Variants in MYH13 observed in about 807,000 individuals in gnomAD.
MYH13 encodes myosin heavy chain 13, also known as myosin-13.
A neutral mutation model predicts 232.1 loss-of-function variants in MYH13; 177 were observed. That is an observed-to-expected ratio of 0.76 (90% CI 0.67 to 0.86). The LOEUF (loss-of-function observed/expected upper bound fraction) is 0.86. Among genes scored for constraint, MYH13 ranks in the 40% least tolerant of loss-of-function variants. The pLI is 0.00. For missense variants in MYH13, 2,246 were observed against 2,405.9 expected (o/e 0.93, Z 1.39); for synonymous variants, 884 against 923.5 (o/e 0.96, Z 0.78).
In MYH13 at chr17:10,312,036, G is replaced by C. The variant is rs1906524760; in HGVS notation, c.4406C>G (p.Ala1469Gly). Residue 1469 changes from alanine to glycine, a missense_variant, in exon 32 of 41, where the codon GCT becomes GGT. Transcript: ENST00000252172. ...CTCCTTCTGAGCAGCTTCCAACTCA[G>C]CCTGGCTTTCGTCCAGCTTTTGCTT... ...EWKQKLDESQ[A>G]ELEAAQKESR... 1 of 1,613,844 alleles carries C rather than the reference G, an allele frequency of 6.2e-7. No homozygotes were observed. The highest frequency in any genetic ancestry group is 1.3e-5 in the African/African-American group (1 of 74,916).
rs34042358 is a variant in MYH13 at position 10,364,519 on chromosome 17, G to T, written c.12C>A (p.Asp4Glu). 5.7e-5 allele frequency: 91 copies of T among 1,594,910 alleles called. No individual in the cohort carries two copies. Among genetic ancestry groups the T allele is most frequent in the Non-Finnish European group, 7.3e-5 (85 of 1,169,644 alleles). MSS[D>E]AEMAIFGEAA... is the part of the protein sequence containing the mutation. ...CTTCTCCAAAAATGGCCATTTCTGC[G>T]TCAGAGCTCATGACTGCAGAGGGCT... Residue 4 changes from aspartate to glutamate, a missense_variant, in exon 3 of 41, where the codon GAC becomes GAA. Physicochemically the swap from Asp to Glu is conservative, Grantham distance 45. Coordinates refer to ENST00000252172, the MANE Select transcript of MYH13 (RefSeq NM_003802.3).
At chr17:10,349,075 CTTCT>C (rs1567669481) in intron 12 of MYH13, among the ~76,000 whole-genome samples, 2 of 140,540 alleles carry the variant, frequency 1.4e-5, no homozygotes, top group African/African-American at 5.6e-5. Context: ...CTTCCCTTCC[CTTCT>C]CCCCCTCTCT....
Position 10,327,981 on chromosome 17 carries a change from TCTTC to T in MYH13, c.2572_2575del (p.Glu858ThrfsTer44). 2.5e-6 allele frequency: 4 copies of T among 1,614,078 alleles called. No homozygotes were observed. Among genetic ancestry groups the T allele is most frequent in the Non-Finnish European group, 3.4e-6 (4 of 1,179,998 alleles). ...CAGTTCTTCCTTGGTCCTCTCAAAGTCTTCCTTCATGGTGGCCATCTCCTTCTCG... is the reference window on the plus strand; with the variant it reads ...CAGTTCTTCCTTGGTCCTCTCAAAGTCTTCATGGTGGCCATCTCCTTCTCG... On this transcript the variant is annotated frameshift_variant, in exon 22 of 41. Transcript: ENST00000252172. LOFTEE classifies it high-confidence loss of function.
At chr17:10,318,329 C>T (rs1906791050) in intron 27 of MYH13, among the ~76,000 whole-genome samples, 1 of 152,066 alleles carries the variant, frequency 6.6e-6, no homozygotes, top group Non-Finnish European at 1.5e-5. Flanking sequence ...ATTTCCAGTC[C>T]AGTGGTGTTG....
intron 13 of MYH13, among the ~76,000 whole-genome samples, chr17:10,345,866 G>A (rs541772327): frequency 6.6e-5 from 10 of 151,730 alleles, no homozygotes; most frequent in South Asian, 6.3e-4. Flanking sequence ...GGTGGCAGGC[G>A]CCTGTAGTCC....
chr17:10,333,053 C>T, intron 19 of MYH13, 21 bp downstream of exon 19: 2 of 1,506,118 alleles, frequency 1.3e-6, no homozygotes, highest in Non-Finnish European at 1.8e-6. Context: ...GAGAGAGATG[C>T]ACAGGAGAGA....
intron 29 of MYH13, among the ~76,000 whole-genome samples, chr17:10,314,011 T>C (rs1340470196): frequency 6.6e-6 from 1 of 152,170 alleles, no homozygotes; most frequent in Non-Finnish European, 1.5e-5. Flanking sequence ...ATTGGAGGGA[T>C]GTAAGGGCAA....
Position 10,362,420 on chromosome 17 carries a change from G to A in MYH13, c.288C>T (p.His96=), listed in dbSNP as rs1356256540. The A allele has an allele frequency of 6.2e-7, 1 of 1,614,212 alleles. No individual in the cohort carries two copies. The highest frequency in any genetic ancestry group is 8.5e-7 in the Non-Finnish European group (1 of 1,180,046). Residue 96 remains histidine, a synonymous_variant, in exon 4 of 41, where the codon CAC becomes CAT. Coordinates refer to ENST00000252172, the MANE Select transcript of MYH13 (RefSeq NM_003802.3). ...TGTACAGAACAGCAGGTTCATGCAG[G>A]TGAGTCATCATGGCCATGTCCTCGA... ...DKIEDMAMMT[H]LHEPAVLYNL...
Position 10,355,155 on chromosome 17 carries a change from A to G in MYH13, c.739-8T>C. 6.4e-7 allele frequency: 1 copy of G among 1,567,250 alleles called. No homozygotes were observed. Among genetic ancestry groups the G allele is most frequent in the Non-Finnish European group, 8.7e-7 (1 of 1,154,482 alleles). On this transcript the variant is annotated splice_region_variant and splice_polypyrimidine_tract_variant and intron_variant, in intron 8 of 40. Coordinates refer to ENST00000252172, the MANE Select transcript of MYH13 (RefSeq NM_003802.3). ...AATCCGAATGAACTTCCCCTGTCCA[A>G]TAACAGGTGGACAAATGTTACGGTT... is the stretch of plus-strand genomic sequence containing the variant.
At position 10,355,134 on chromosome 17, in the gene MYH13, C is replaced by T. The variant is rs533758694; in HGVS notation, c.752G>A (p.Arg251Gln). The T allele has an allele frequency of 3.1e-5, 49 of 1,579,862 alleles. No homozygotes were observed. The East Asian group carries it at 5.5e-4, about 18-fold the overall frequency. The change falls in exon 9 of 41, where the codon CGG becomes CAG. Residue 251 changes from arginine (R) to glutamine (Q), a missense_variant. Transcript: ENST00000252172. The part of the protein sequence containing the change: ...DNSSRFGKFI[R>Q]IHFGATGKLA... ...CTTTCCTGTGGCTCCAAAATGAATCCGAATGAACTTCCCCTGTCCAATAAC... is the reference window on the plus strand; with the variant it reads ...CTTTCCTGTGGCTCCAAAATGAATCTGAATGAACTTCCCCTGTCCAATAAC...
rs1169810767 is a variant in MYH13 at position 10,320,399 on chromosome 17, A to G, written c.3209T>C (p.Ile1070Thr). 4.3e-6 allele frequency: 7 copies of G among 1,612,944 alleles called. No individual in the cohort carries two copies. The highest frequency in any genetic ancestry group is 1.7e-5 in the Admixed American group (1 of 59,894). ...CTGCTTGTCATTTTCTAGATCCATA[A>G]TGGATTCCTGGGACATTTTCAGATC... ...EGDLKMSQES[I>T]MDLENDKQQI... The change falls in exon 25 of 41, where the codon ATT becomes ACT. Residue 1070 changes from isoleucine (I) to threonine (T), a missense_variant. By Grantham distance (89) the Ile-to-Thr change is moderately conservative. Coordinates refer to ENST00000252172, the MANE Select transcript of MYH13 (RefSeq NM_003802.3).
Position 10,303,576 on chromosome 17 carries a change from T to C in MYH13, c.5467-78A>G, listed in dbSNP as rs777247260. On this transcript the variant is annotated intron_variant, in intron 37 of 40. Coordinates refer to ENST00000252172, the MANE Select transcript of MYH13 (RefSeq NM_003802.3). ...TCATGGACTCATGGGCCAATCATTC[T>C]AGAGTGAACTCAAGATCCCCTAATG... 3.2e-6 allele frequency: 4 copies of C among 1,252,174 alleles called. No homozygotes were observed. The South Asian group carries it at 4.9e-5, about 15-fold the overall frequency. The allele number at this position is 1,252,174 out of a possible 1,614,324, so 77.6% of individuals were successfully genotyped here.
At chr17:10,365,836 G>T (rs1165342366) in intron 2 of MYH13, among the ~76,000 whole-genome samples, 1 of 130,122 alleles carries the variant, frequency 7.7e-6, no homozygotes, top group Non-Finnish European at 1.6e-5. Flanking sequence ...AGAACTTGCT[G>T]CATGGTGTGT....
rs1226323238 is a variant in MYH13, at chr17:10,360,142, A to G, written c.533+19T>C. The G allele has an allele frequency of 6.2e-7, 1 of 1,614,188 alleles. No homozygotes were observed. The highest frequency in any genetic ancestry group is 1.3e-5 in the African/African-American group (1 of 75,066). ...GCACTGGTTTCCAAGTCATGATGGT[A>G]CAAAGAGGTGTTACTCACGTGATGA... On this transcript the variant is annotated intron_variant, in intron 6 of 40. Transcript: ENST00000252172.
chr17:10,302,170 C>T (rs1212388866), intron 39 of MYH13, among the ~76,000 whole-genome samples: 2 of 152,112 alleles, frequency 1.3e-5, no homozygotes, highest in Admixed American at 6.5e-5. Flanking sequence ...TCTAGCCTGC[C>T]GATCCTGCTG....
At chr17:10,326,354 A>C (rs913933481) in intron 22 of MYH13, among the ~76,000 whole-genome samples, 2 of 152,272 alleles carry the variant, frequency 1.3e-5, no homozygotes, top group Non-Finnish European at 2.9e-5. Flanking sequence ...AATGCTCTGT[A>C]TAAAAACAAA....
intron 23 of MYH13, among the ~76,000 whole-genome samples, chr17:10,322,228 T>TA (rs1189271416): frequency 1.3e-5 from 1 of 77,438 alleles, no homozygotes; most frequent in Non-Finnish European, 3.0e-5. Flanking sequence ...TCGTCTCTAC[T>TA]AAAAATACAA....
chr17:10,350,759 G>T (rs2071703192), intron 11 of MYH13, 65 bp from the exon 12 acceptor site: 2 of 1,594,770 alleles, frequency 1.3e-6, no homozygotes, highest in Non-Finnish European at 1.7e-6. Context: ...CCTTTTCTTG[G>T]CAAAGACCTT....
chr17:10,369,281 T>C (rs1427731322), intron 2 of MYH13, among the ~76,000 whole-genome samples: 1 of 152,208 alleles, frequency 6.6e-6, no homozygotes, highest in Non-Finnish European at 1.5e-5. Context: ...AATAGGGTAA[T>C]ATTTGTTTAA....
Sources: allele counts gnomAD v4.1 joint callset (sites outside exome capture counted in the v4.1 genomes callset), GRCh38; gene constraint gnomAD v4.1.1; transcripts MANE v1.5; gene names NCBI Gene and HGNC (gene_info 2026-07-23, HGNC 2026-07-21).